Variants in HSD17B4 observed in about 807,000 individuals in gnomAD.
HSD17B4 encodes the protein hydroxysteroid 17-beta dehydrogenase 4.
Under a neutral mutation model 101.0 loss-of-function variants are expected in HSD17B4, and 70 were observed. That is an observed-to-expected ratio of 0.69 (90% CI 0.57 to 0.85). The LOEUF is 0.85. Ranked by LOEUF, HSD17B4 falls within the 40% of genes least tolerant of loss-of-function variation. The pLI is 0.00. For missense variants in HSD17B4, 984 were observed against 892.4 expected, an observed-to-expected ratio of 1.10 and a Z score of -1.31; for synonymous variants, 347 against 297.1, an observed-to-expected ratio of 1.17 and a Z score of -1.73.
rs1754540364 is a variant in HSD17B4, at chr5:119,536,412, A to G, written c.1994-11A>G. On this transcript the variant is annotated splice_polypyrimidine_tract_variant and intron_variant, in intron 22 of 23. Transcript: ENST00000510025. ...AAAAGATACACATTGGTTTCTTCCTATTTTTCCCAGCTATTGACCTGAAAA... is the reference window on the plus strand; with the variant it reads ...AAAAGATACACATTGGTTTCTTCCTGTTTTTCCCAGCTATTGACCTGAAAA... 5 of 1,611,416 alleles carry G rather than the reference A, an allele frequency of 3.1e-6. No homozygotes were observed. Among genetic ancestry groups the G allele is most frequent in the East Asian group, 2.2e-5 (1 of 44,842 alleles).
chr5:119,458,034 AG>A (rs1327949705), intron 2 of HSD17B4, among the ~76,000 whole-genome samples: 2 of 152,184 alleles, frequency 1.3e-5, no homozygotes, highest in Non-Finnish European at 2.9e-5. Flanking sequence ...TCAGATTAGG[AG>A]TATTTGAATT....
chr5:119,492,224 A>G (rs376814066), intron 10 of HSD17B4, 100 bp downstream of exon 10: 5 of 859,514 alleles, frequency 5.8e-6, no homozygotes, highest in Non-Finnish European at 1.0e-5. Flanking sequence ...ATGCCTAACC[A>G]TTGGATATAG....
chr5:119,467,400 A>G (rs1007578817), intron 2 of HSD17B4, among the ~76,000 whole-genome samples: 1 of 152,202 alleles, frequency 6.6e-6, no homozygotes, highest in Non-Finnish European at 1.5e-5. Flanking sequence ...TGAAGTTCCC[A>G]ACTATTATTG....
intron 20 of HSD17B4, among the ~76,000 whole-genome samples, chr5:119,528,768 G>C (rs1346339186): frequency 6.6e-6 from 1 of 152,028 alleles, no homozygotes; most frequent in African/African-American, 2.4e-5. Flanking sequence ...TAAATATAAT[G>C]TATTCTTGCC....
intron 2 of HSD17B4, among the ~76,000 whole-genome samples, chr5:119,467,508 C>A (rs1401438529): frequency 1.3e-5 from 2 of 152,062 alleles, no homozygotes; most frequent in Admixed American, 1.3e-4. Flanking sequence ...CTGTTATGTC[C>A]TCTTGCTGAA....
chr5:119,519,580 A>C (rs73249999), intron 17 of HSD17B4, among the ~76,000 whole-genome samples: 16,822 of 152,272 alleles, frequency 0.11, 1,114 homozygotes, highest in South Asian at 0.15. Flanking sequence ...GAAAGTGCTT[A>C]CTATCTGATG....
chr5:119,487,281 A>G (rs1267589085), intron 8 of HSD17B4: 1 of 109,954 alleles, frequency 9.1e-6, no homozygotes, highest in African/African-American at 3.3e-5. Flanking sequence ...TACCTTCTTT[A>G]TCTCAGTAAT....
chr5:119,517,920 A>T (rs1752779763), intron 17 of HSD17B4, among the ~76,000 whole-genome samples: 1 of 152,052 alleles, frequency 6.6e-6, no homozygotes, highest in Admixed American at 6.5e-5. Flanking sequence ...TTGTGTTGAT[A>T]CTCTGTATCT....
intron 2 of HSD17B4, chr5:119,471,659 C>T: frequency 6.9e-7 from 1 of 1,453,674 alleles, no homozygotes; most frequent in Admixed American, 2.2e-5. Context: ...TGCAATAACC[C>T]TATGGAGAAG....
chr5:119,511,969 A>G (rs563016284), intron 16 of HSD17B4, among the ~76,000 whole-genome samples: 67 of 152,240 alleles, frequency 4.4e-4, no homozygotes, highest in Admixed American at 1.3e-4. Flanking sequence ...TTTATGTTCA[A>G]AGAACTAAAG....
Position 119,496,614 on chromosome 5 carries a change from A to G in HSD17B4, c.940A>G (p.Ser314Gly). The G allele has an allele frequency of 6.2e-7, 1 of 1,605,030 alleles. No individual in the cohort carries two copies. The change falls in exon 12 of 24, where the codon AGT (serine) becomes GGT (glycine). Residue 314 changes from serine (S) to glycine (G), a missense_variant. By Grantham distance (56) the Ser-to-Gly change is moderately conservative. Coordinates refer to ENST00000510025, the MANE Select transcript of HSD17B4 (RefSeq NM_000414.4). ...SEGGVSANHT[S>G]RATSTATSGF... ...AGGAGGAGTTTCAGCAAATCATACT[A>G]GTCGTGCAACGTCTACAGCAACATC...
intron 14 of HSD17B4, among the ~76,000 whole-genome samples, chr5:119,502,654 A>C (rs1446587435): frequency 6.6e-6 from 1 of 152,084 alleles, no homozygotes; most frequent in Non-Finnish European, 1.5e-5. Context: ...ATGTTGTCTA[A>C]TTATATACTG....
intron 22 of HSD17B4, among the ~76,000 whole-genome samples, chr5:119,533,751 A>G (rs957197847): frequency 1.8e-4 from 27 of 152,092 alleles, no homozygotes; most frequent in African/African-American, 6.5e-4. Flanking sequence ...AGGAATTAGT[A>G]GTTGGAACCA....
rs746894542 is a variant in HSD17B4, at chr5:119,475,884, A to G, written c.349+14A>G. ...ATGAAGACTGGGGTAAGTTGTTTTT[A>G]GTATTTCTCTGGGGAACATACTTAT... On this transcript the variant is annotated intron_variant, in intron 6 of 23. Coordinates refer to ENST00000510025, the MANE Select transcript of HSD17B4 (RefSeq NM_000414.4). 1 of 1,564,264 alleles carries G rather than the reference A, an allele frequency of 6.4e-7. No individual in the cohort carries two copies. The highest frequency in any genetic ancestry group is 1.1e-5 in the South Asian group (1 of 90,190).
chr5:119,476,769 C>T (rs1050798683), intron 6 of HSD17B4: 22 of 872,464 alleles, frequency 2.5e-5, no homozygotes, highest in Admixed American at 6.2e-5. Context: ...CTACTCCTGA[C>T]TACCCTTCTC....
Position 119,477,615 on chromosome 5 carries a change from T to C in HSD17B4, c.434+114T>C, listed in dbSNP as rs1748711885. On this transcript the variant is annotated intron_variant, in intron 7 of 23. Transcript: ENST00000510025. ...AAATGATTTATGACATTGAGGAATATGTACAACCTTTTAACATATGGTTTT... is the reference window on the plus strand; with the variant it reads ...AAATGATTTATGACATTGAGGAATACGTACAACCTTTTAACATATGGTTTT... 7 of 800,356 alleles carry C rather than the reference T, an allele frequency of 8.7e-6. No homozygotes were observed. In the Admixed American group the frequency reaches 9.0e-5, roughly 10 times the overall value. The allele number at this position is 800,356 out of a possible 1,614,324, so 49.6% of individuals were successfully genotyped here.
rs138149969 is a variant in HSD17B4 at position 119,478,058 on chromosome 5, A to G, written c.434+557A>G. 8.4e-4 allele frequency: 134 copies of G among 158,836 alleles called. 2 individuals carry two copies. In the East Asian group the frequency reaches 0.015, roughly 17 times the overall value. 9.8% of individuals were successfully genotyped at this position (158,836 alleles called of 1,614,324 possible). ...CACATTGAGGATTCGGTTATACCTTATTCTGTAACCCGAATATTATTTCAT... is the reference window on the plus strand; with the variant it reads ...CACATTGAGGATTCGGTTATACCTTGTTCTGTAACCCGAATATTATTTCAT... On this transcript the variant is annotated intron_variant, in intron 7 of 23. Coordinates refer to ENST00000510025, the MANE Select transcript of HSD17B4 (RefSeq NM_000414.4).
chr5:119,480,370 A>G (rs1193964315), intron 8 of HSD17B4, among the ~76,000 whole-genome samples: 1 of 152,160 alleles, frequency 6.6e-6, no homozygotes, highest in East Asian at 1.9e-4. Flanking sequence ...GGGACAGAGT[A>G]CAAAAGAGAG....
At chr5:119,507,135 A>G (rs553560469) in intron 15 of HSD17B4, among the ~76,000 whole-genome samples, 73 of 152,354 alleles carry the variant, frequency 4.8e-4, no homozygotes, top group African/African-American at 1.7e-3. Flanking sequence ...CCAAAGCACA[A>G]AGGTGATAAA....
Sources: gnomAD v4.1 joint callset for allele counts (sites outside exome capture counted in the v4.1 genomes callset) on GRCh38, gnomAD v4.1.1 for gene constraint, MANE v1.5 for transcripts, NCBI Gene and HGNC (gene_info 2026-07-23, HGNC 2026-07-21) for gene names.